The following MPRIP variants were observed in gnomAD, a reference collection of about 807,000 sequenced individuals.
MPRIP encodes the protein myosin phosphatase Rho-interacting protein.
Under a neutral mutation model 234.9 loss-of-function variants are expected in MPRIP, and 59 were observed. That is an observed-to-expected ratio of 0.25 (90% CI 0.20 to 0.31). The LOEUF (loss-of-function observed/expected upper bound fraction) is 0.31, where lower values mean the gene tolerates loss of function less well. Ranked by LOEUF, MPRIP falls within the 10% of genes least tolerant of loss-of-function variation. The probability of loss-of-function intolerance (pLI) is 1.00; values close to 1 mark genes in which losing one functional copy is unlikely to be tolerated. For synonymous variants in MPRIP, 1,144 were observed against 1,263.9 expected (o/e 0.91, Z 2.01); for missense variants, 2,436 against 3,071.0 (o/e 0.79, Z 4.89).
At chr17:17,079,465 G>A (rs1166936522) in intron 3 of MPRIP, among the ~76,000 whole-genome samples, 5 of 152,236 alleles carry the variant, frequency 3.3e-5, no homozygotes, top group Non-Finnish European at 7.3e-5. Flanking sequence ...CAGACCTGGA[G>A]GATTAGACTT....
intron 16 of MPRIP, chr17:17,168,887 C>T (rs898032944): frequency 4.6e-5 from 21 of 456,570 alleles, no homozygotes; most frequent in African/African-American, 4.2e-4. Context: ...TCCCAGGTGG[C>T]TGCCACTGCT....
chr17:17,166,082 G>A lies in MPRIP; in HGVS notation c.4491G>A (p.Glu1497=), dbSNP rs2045988275. ...TGCCTAGGGCCAGCCAGGAGGATGA[G>A]CAGGACGCACGCGCAGCCTCCCTGG... ...RSLPRASQED[E]QDARAASLAS... is the part of the protein sequence containing the mutation. The change falls in exon 16 of 24, where the codon GAG becomes GAA. Residue 1497 remains glutamate, a synonymous_variant. Coordinates refer to ENST00000651222, the MANE Select transcript of MPRIP (RefSeq NM_001364716.4). The surrounding 1 kb of genome is among the most constrained non-coding windows in gnomAD (Gnocchi z 4.4). 7.7e-7 allele frequency: 1 copy of A among 1,300,136 alleles called. No homozygotes were observed. 80.5% of individuals were successfully genotyped at this position (1,300,136 alleles called of 1,614,324 possible).
rs541593206 is a variant in MPRIP at position 17,135,798 on chromosome 17, A to G, written c.505-421A>G. Among the ~76,000 whole-genome samples the G allele has an allele frequency of 1.4e-4, 22 of 152,312 alleles. No homozygotes were observed. The East Asian group carries it at 3.7e-3, about 25-fold the overall frequency. On this transcript the variant is annotated intron_variant, in intron 5 of 23. Transcript: ENST00000651222. Reference sequence around the variant, plus strand: ...GAGACACAGACATTGAAACCATAGCATTTAATTTGCATCTGACGACTCTTT... The same window carrying G: ...GAGACACAGACATTGAAACCATAGCGTTTAATTTGCATCTGACGACTCTTT...
At chr17:17,136,525 G>T in intron 6 of MPRIP, 75 bp downstream of exon 6, 4 of 1,424,064 alleles carry the variant, frequency 2.8e-6, no homozygotes, top group Non-Finnish European at 3.8e-6. Flanking sequence ...TGGGGATTCA[G>T]CCAAGGCCTG....
At chr17:17,137,778 T>C in intron 6 of MPRIP, 138 bp from the exon 7 acceptor site, 1 of 585,446 alleles carries the variant, frequency 1.7e-6, no homozygotes, top group East Asian at 3.2e-5. Context: ...TGCCCTTGAG[T>C]GGGGTGTGCT....
chr17:17,067,689 A>C (rs1444179256), intron 1 of MPRIP, among the ~76,000 whole-genome samples: 1 of 152,056 alleles, frequency 6.6e-6, no homozygotes, highest in Non-Finnish European at 1.5e-5. Context: ...ATTTTTAAAA[A>C]ATTTTGGGGT....
At chr17:17,163,133 C>G (rs2045908435) in intron 15 of MPRIP, among the ~76,000 whole-genome samples, 1 of 152,172 alleles carries the variant, frequency 6.6e-6, no homozygotes, top group Admixed American at 6.5e-5. Flanking sequence ...GGTTAAGGGT[C>G]AGGAGCCAGC....
chr17:17,043,794 C>A (rs1391791960), intron 1 of MPRIP, among the ~76,000 whole-genome samples: 2 of 152,136 alleles, frequency 1.3e-5, no homozygotes, highest in Non-Finnish European at 2.9e-5. Flanking sequence ...GTTTGAACTC[C>A]TAGTGTTCCA....
intron 3 of MPRIP, among the ~76,000 whole-genome samples, chr17:17,115,894 C>G (rs2090276291): frequency 6.6e-6 from 1 of 152,214 alleles, no homozygotes. Context: ...GCCTGCATCT[C>G]TTTCCAGACA....
intron 3 of MPRIP, among the ~76,000 whole-genome samples, chr17:17,090,920 C>A (rs760365025): frequency 1.3e-4 from 20 of 152,080 alleles, no homozygotes; most frequent in Non-Finnish European, 2.8e-4. Context: ...TTGAAGATCT[C>A]GGCTATGCCA....
rs1050364241 is a variant in MPRIP at position 17,192,597 on chromosome 17, C to A, written c.*7703C>A. On this transcript the variant is annotated 3_prime_UTR_variant, in exon 24 of 24. Coordinates refer to ENST00000651222, the MANE Select transcript of MPRIP (RefSeq NM_001364716.4). ...GATCATTTTTATTTTGTAAATATTA[C>A]CTAACTTTACATAAACTATATCATA... 1 of 151,814 alleles carries A rather than the reference C, an allele frequency of 6.6e-6. No individual in the cohort carries two copies. Among genetic ancestry groups the A allele is most frequent in the Non-Finnish European group, 1.5e-5 (1 of 67,978 alleles). 9.4% of individuals were successfully genotyped at this position (151,814 alleles called of 1,614,324 possible). A position where few individuals can be genotyped will look rare whatever the true frequency, so the allele number is the denominator to read the frequency against.
intron 16 of MPRIP, chr17:17,169,199 A>G (rs1221492919): frequency 2.8e-6 from 1 of 359,996 alleles, no homozygotes; most frequent in Non-Finnish European, 5.5e-6. Context: ...CAGTTCACCA[A>G]GAGCAGCACT....
intron 7 of MPRIP, among the ~76,000 whole-genome samples, chr17:17,140,397 C>A (rs2090788188): frequency 2.0e-5 from 3 of 152,298 alleles, no homozygotes; most frequent in East Asian, 1.9e-4. Flanking sequence ...CCACCCCCCA[C>A]CAGTTCTGCA....
At chr17:17,133,664 C>G (rs531922940) in intron 5 of MPRIP, among the ~76,000 whole-genome samples, 5 of 152,322 alleles carry the variant, frequency 3.3e-5, no homozygotes, top group South Asian at 4.1e-4. Flanking sequence ...CCTTAAGGAA[C>G]TCAGGTGGGA....
At chr17:17,169,321 G>A (rs959860739) in intron 16 of MPRIP, among the ~76,000 whole-genome samples, 1 of 152,178 alleles carries the variant, frequency 6.6e-6, no homozygotes, top group Admixed American at 6.5e-5. Context: ...AATCAGCAGG[G>A]TCCATGGGGG....
chr17:17,177,271 A>G lies in MPRIP; in HGVS notation c.6979A>G (p.Lys2327Glu). Reference sequence around the variant, plus strand: ...CAAGGACAAGAAGTACGCAAGTGACAAGTACAAAGACATCTACACAGAGCT... The same window carrying G: ...CAAGGACAAGAAGTACGCAAGTGACGAGTACAAAGACATCTACACAGAGCT... ...ALRDKKYASD[K>E]YKDIYTELSI... Residue 2327 changes from lysine (K) to glutamate (E), a missense_variant, in exon 22 of 24, where the codon AAG becomes GAG. Around this residue, in one of 4 missense-constraint regions of MPRIP, gnomAD observed 1,998 missense variants for 2,520.3 expected, o/e 0.79. Transcript: ENST00000651222. The G allele has an allele frequency of 6.2e-7, 1 of 1,611,906 alleles. No homozygotes were observed. Among genetic ancestry groups the G allele is most frequent in the Non-Finnish European group, 8.5e-7 (1 of 1,179,002 alleles).
chr17:17,150,697 C>CAAA (rs35336436), intron 12 of MPRIP, among the ~76,000 whole-genome samples: 7 of 73,404 alleles, frequency 9.5e-5, no homozygotes, highest in African/African-American at 1.4e-4. Context: ...GCACTGTTCT[C>CAAA]AAAAAAAAAA....
rs774061054 is a variant in MPRIP at position 17,158,776 on chromosome 17, C to T, written c.2174C>T (p.Thr725Ile). The T allele has an allele frequency of 4.3e-6, 7 of 1,611,636 alleles. No homozygotes were observed. The South Asian group carries it at 5.5e-5, about 13-fold the overall frequency. ...CTCGACGCCACAGACGGGCCAGGCACTGAGGATGCAGCCCTGCGCATGGAG... is the reference window on the plus strand; with the variant it reads ...CTCGACGCCACAGACGGGCCAGGCATTGAGGATGCAGCCCTGCGCATGGAG... ...GMLDATDGPG[T>I]EDAALRMEVD... The change falls in exon 14 of 24, where the codon ACT (threonine) becomes ATT (isoleucine). Residue 725 changes from threonine (T) to isoleucine (I), a missense_variant. Thr to Ile is a moderately conservative substitution (Grantham distance 89). Coordinates refer to ENST00000651222, the MANE Select transcript of MPRIP (RefSeq NM_001364716.4).
chr17:17,045,259 T>G (rs1344875365), intron 1 of MPRIP, among the ~76,000 whole-genome samples: 2 of 152,232 alleles, frequency 1.3e-5, no homozygotes, highest in East Asian at 3.9e-4. Flanking sequence ...GCTTTTGCTC[T>G]GGAGATGTCA....
Sources: gnomAD v4.1 joint callset for allele counts (sites outside exome capture counted in the v4.1 genomes callset) on GRCh38, gnomAD v4.1.1 for gene constraint, gnomAD v4.1.1 regional missense constraint, Gnocchi (gnomAD v3.1) non-coding constraint, MANE v1.5 for transcripts, NCBI Gene and HGNC (gene_info 2026-07-23, HGNC 2026-07-21) for gene names.